TENM3: variants seen among roughly 807,000 people sequenced by gnomAD.
TENM3 encodes teneurin transmembrane protein 3.
TENM3 carries 63 observed loss-of-function variants against 255.1 expected under a neutral mutation model. The observed-to-expected ratio is 0.25, with a 90% CI of 0.20 to 0.30. The LOEUF (loss-of-function observed/expected upper bound fraction) is 0.30. TENM3 is among the 10% of genes least tolerant of loss of function. The pLI is 1.00. For synonymous variants in TENM3, 1,306 were observed against 1,322.3 expected (o/e 0.99, Z 0.27); for missense variants, 2,929 against 3,461.1 (o/e 0.85, Z 3.86).
chr4:182,440,488 TTA>T (rs1289465050), intron 3 of TENM3, among the ~76,000 whole-genome samples: 1 of 152,124 alleles, frequency 6.6e-6, no homozygotes, highest in Non-Finnish European at 1.5e-5. Context: ...GCCATTTGTC[TTA>T]TCATAGAGCT....
the TENM3 span, among the ~76,000 whole-genome samples, chr4:182,133,425 A>G: frequency 6.6e-6 from 1 of 152,202 alleles, no homozygotes; most frequent in Non-Finnish European, 1.5e-5. Context: ...AGGCTACACA[A>G]GTTGAGTTAG....
the TENM3 span, among the ~76,000 whole-genome samples, chr4:181,495,967 G>T: frequency 2.0e-5 from 3 of 148,634 alleles, no homozygotes; most frequent in Non-Finnish European, 4.5e-5. Context: ...GGTGCTTACT[G>T]TTTACATTTG....
the TENM3 span, among the ~76,000 whole-genome samples, chr4:181,737,320 G>T: frequency 6.6e-6 from 1 of 152,152 alleles, no homozygotes; most frequent in Admixed American, 6.5e-5. Context: ...AAATCCTAAT[G>T]TTAGGTTCCT....
the TENM3 span, among the ~76,000 whole-genome samples, chr4:181,682,994 A>G: frequency 6.6e-6 from 1 of 152,062 alleles, no homozygotes; most frequent in Non-Finnish European, 1.5e-5. Flanking sequence ...TGGAATGATC[A>G]CTTGAGACCA....
chr4:181,965,496 A>G, the TENM3 span, among the ~76,000 whole-genome samples: 16 of 152,166 alleles, frequency 1.1e-4, no homozygotes, highest in Non-Finnish European at 1.5e-5. Flanking sequence ...AATACTTCCA[A>G]ATAAAGCTCT....
chr4:181,493,901 A>G, the TENM3 span, among the ~76,000 whole-genome samples: 3 of 152,220 alleles, frequency 2.0e-5, no homozygotes, highest in Admixed American at 2.0e-4. Flanking sequence ...ATTTACCATA[A>G]CAACAATAAG....
chr4:181,952,091 C>T, the TENM3 span, among the ~76,000 whole-genome samples: 5 of 152,080 alleles, frequency 3.3e-5, no homozygotes, highest in African/African-American at 4.8e-5. Flanking sequence ...TAATGCCTGT[C>T]GTGAATAAAG....
chr4:182,066,989 C>T, the TENM3 span, among the ~76,000 whole-genome samples: 4 of 152,142 alleles, frequency 2.6e-5, no homozygotes, highest in African/African-American at 9.7e-5. Flanking sequence ...ACTTTGATAT[C>T]CCCTTTCACT....
chr4:181,560,282 C>A, the TENM3 span, among the ~76,000 whole-genome samples: 1 of 152,154 alleles, frequency 6.6e-6, no homozygotes, highest in African/African-American at 2.4e-5. Flanking sequence ...AGGGGCCCAC[C>A]CTCATGACCT....
At chr4:182,201,422 C>T (rs780243574) in intron 1 of TENM3, among the ~76,000 whole-genome samples, 3 of 152,086 alleles carry the variant, frequency 2.0e-5, no homozygotes, top group Admixed American at 6.6e-5. Context: ...TGAACAGTTT[C>T]GAGACATAGG....
intron 5 of TENM3, among the ~76,000 whole-genome samples, chr4:182,639,844 CA>C: frequency 6.6e-6 from 1 of 152,270 alleles, no homozygotes; most frequent in South Asian, 2.1e-4. Context: ...GTAATCCCAG[CA>C]TTTTGGGAGC....
chr4:181,891,607 A>T, the TENM3 span, among the ~76,000 whole-genome samples: 14 of 152,026 alleles, frequency 9.2e-5, no homozygotes, highest in Non-Finnish European at 1.8e-4. Flanking sequence ...CTTTATCCAA[A>T]TCCTTAGATT....
the TENM3 span, among the ~76,000 whole-genome samples, chr4:181,897,867 A>T: frequency 1.3e-5 from 2 of 152,036 alleles, no homozygotes; most frequent in Non-Finnish European, 2.9e-5. Context: ...TTCTTTTCTT[A>T]TTTTAAACTT....
At chr4:181,795,310 C>T in the TENM3 span, among the ~76,000 whole-genome samples, 1 of 152,002 alleles carries the variant, frequency 6.6e-6, no homozygotes, top group Non-Finnish European at 1.5e-5. Context: ...TCCTGGTGTA[C>T]AGACAGACAC....
intron 9 of TENM3, 21 bp from the exon 10 acceptor site, chr4:182,680,522 C>T (rs763455147): frequency 1.9e-5 from 31 of 1,610,054 alleles, no homozygotes; most frequent in Non-Finnish European, 2.3e-5. Context: ...TGTAATTCTT[C>T]TGTCGTGTCT....
At chr4:182,662,413 T>G (rs1282985170) in intron 6 of TENM3, among the ~76,000 whole-genome samples, 1 of 152,222 alleles carries the variant, frequency 6.6e-6, no homozygotes, top group East Asian at 1.9e-4. Context: ...GTGGTACGTT[T>G]CACTCTTACT....
chr4:182,448,598 A>C (rs1212050314), intron 3 of TENM3, among the ~76,000 whole-genome samples: 2 of 152,050 alleles, frequency 1.3e-5, no homozygotes, highest in Non-Finnish European at 2.9e-5. Flanking sequence ...AACAGCTCTG[A>C]GGCGGGATCA....
rs191274141 is a variant in TENM3, at chr4:182,161,543, C to T, written c.-76+16789C>T. Reference sequence around the variant, plus strand: ...TGGAGGTTGCAATGAGCCGAGATCACGCCACTGCACTCCAGCCTGGGCAAC... The same window carrying T: ...TGGAGGTTGCAATGAGCCGAGATCATGCCACTGCACTCCAGCCTGGGCAAC... On this transcript the variant is annotated intron_variant, in intron 1 of 2. Coordinates refer to the TENM3 transcript ENST00000512480. Among the ~76,000 whole-genome samples, 110 of 129,036 alleles carry T rather than the reference C, an allele frequency of 8.5e-4. 5 individuals are homozygous for T. In the East Asian group the frequency reaches 0.017, roughly 20 times the overall value. 84.7% of individuals were successfully genotyped at this position (129,036 alleles called of 152,430 possible). A position where few individuals can be genotyped will look rare whatever the true frequency, so the allele number is the denominator to read the frequency against.
chr4:182,796,908 T>C, intron 27 of TENM3, 141 bp downstream of exon 27: 2 of 573,390 alleles, frequency 3.5e-6, no homozygotes, highest in Non-Finnish European at 5.7e-6. Flanking sequence ...AAACAACACT[T>C]CCTCTGCATT....
Sources: gnomAD v4.1 joint callset for allele counts (sites outside exome capture counted in the v4.1 genomes callset) on GRCh38, gnomAD v4.1.1 for gene constraint, MANE v1.5 for transcripts, NCBI Gene and HGNC (gene_info 2026-07-23, HGNC 2026-07-21) for gene names.